Variants in FAM120C observed in about 807,000 individuals in gnomAD.
The protein encoded by FAM120C is family with sequence similarity 120 member C.
FAM120C carries 14 observed loss-of-function variants against 71.2 expected under a neutral mutation model. That is an observed-to-expected ratio of 0.20 (90% confidence interval 0.13 to 0.31). FAM120C has a LOEUF of 0.31. Among genes scored for constraint, FAM120C ranks in the 10% least tolerant of loss-of-function variants. FAM120C has a pLI of 1.00. For missense variants in FAM120C, 500 were observed against 879.0 expected (o/e 0.57, Z 5.45); for synonymous variants, 354 against 353.2 (o/e 1.00, Z -0.03).
chrX:54,132,289 G>T (rs184416897), intron 9 of FAM120C, among the ~76,000 whole-genome samples: 2 of 110,955 alleles, frequency 1.8e-5, no homozygotes, highest in Non-Finnish European at 3.8e-5. Context: ...CTGGACTCAA[G>T]TGATCCATCC....
intron 13 of FAM120C, among the ~76,000 whole-genome samples, chrX:54,085,340 C>T (rs782313242): frequency 9.8e-5 from 11 of 112,234 alleles, no homozygotes; most frequent in Admixed American, 2.8e-4. Flanking sequence ...GTAATCCCAG[C>T]ACTTTGGGAA....
At chrX:54,102,785 T>C (rs2066888616) in intron 10 of FAM120C, among the ~76,000 whole-genome samples, 1 of 88,340 alleles carries the variant, frequency 1.1e-5, no homozygotes, top group Non-Finnish European at 2.2e-5. Flanking sequence ...AGTGGCGCGA[T>C]CTCAGCTCAC....
At chrX:54,094,083 C>CTT (rs35721972) in intron 10 of FAM120C, among the ~76,000 whole-genome samples, 1,338 of 61,378 alleles carry the variant, frequency 0.022, 50 homozygotes, top group Middle Eastern at 0.032. Flanking sequence ...TCCACGACTC[C>CTT]TTTTTTTTTT....
Position 54,135,057 on chromosome X carries a change from G to T in FAM120C, c.1390C>A (p.Pro464Thr), listed in dbSNP as rs201814207. The part of the protein sequence containing the change: ...VKYPPPFPVG[P>T]NSSLLFSSHA... ...GAGGAGAAGAGAAGAGATGAGTTGG[G>T]TCCCACTGGGAATGGTGGTGGATAT... The change falls in exon 7 of 16, where the codon CCC becomes ACC. Residue 464 changes from proline to threonine, a missense_variant. Coordinates refer to ENST00000375180, the MANE Select transcript of FAM120C (RefSeq NM_017848.6). The T allele has an allele frequency of 1.6e-5, 19 of 1,206,639 alleles. No homozygotes were observed. Among genetic ancestry groups the T allele is most frequent in the Non-Finnish European group, 2.1e-5 (19 of 893,125 alleles).
At chrX:54,113,715 C>T (rs1447839302) in intron 10 of FAM120C, among the ~76,000 whole-genome samples, 2 of 107,900 alleles carry the variant, frequency 1.9e-5, no homozygotes, top group Admixed American at 1.0e-4. Context: ...AGTTCAAGAC[C>T]AGCCTCAACA....
Position 54,159,342 on chromosome X carries a change from A to G in FAM120C, c.946+28T>C, listed in dbSNP as rs782140596. ...ACACCAGAAGAGGAAACTACCAATC[A>G]CTGCAGTCTTTTCTTTGGATGACCT... On this transcript the variant is annotated intron_variant, in intron 2 of 15. Coordinates refer to ENST00000375180, the MANE Select transcript of FAM120C (RefSeq NM_017848.6). The G allele has an allele frequency of 2.5e-6, 3 of 1,207,807 alleles. No individual in the cohort carries two copies. The East Asian group carries it at 8.9e-5, about 36-fold the overall frequency.
chrX:54,110,011 C>CTTTT lies in FAM120C; in HGVS notation c.2312+6530_2312+6533dup, dbSNP rs782078837. The stretch of plus-strand genomic sequence containing the variant: ...AGTATAAGAAAACGTAGAAAAATAT[C>CTTTT]TTTTTTTTTTTTTTTTTTTTTCTGA... On this transcript the variant is annotated intron_variant, in intron 10 of 15. Coordinates refer to ENST00000375180, the MANE Select transcript of FAM120C (RefSeq NM_017848.6). Among the ~76,000 whole-genome samples, 39 of 61,422 alleles carry CTTTT rather than the reference C, an allele frequency of 6.3e-4. 1 individual carries two copies. Among genetic ancestry groups the CTTTT allele is most frequent in the South Asian group, 1.7e-3 (1 of 597 alleles). 53.3% of individuals were successfully genotyped at this position (61,422 alleles called of 115,157 possible).
intron 1 of FAM120C, 92 bp downstream of exon 1, chrX:54,182,408 T>C (rs1173514202): frequency 3.0e-6 from 3 of 1,014,094 alleles, no homozygotes; most frequent in Non-Finnish European, 3.9e-6. Flanking sequence ...AGATGGGAGG[T>C]AGGGTAGTGG....
At chrX:54,159,729 G>A in intron 1 of FAM120C, 113 bp from the exon 2 acceptor site, 1 of 696,298 alleles carries the variant, frequency 1.4e-6, no homozygotes, top group Non-Finnish European at 2.1e-6. Flanking sequence ...AATTGTACGT[G>A]AGAGAACAGA....
intron 4 of FAM120C, among the ~76,000 whole-genome samples, chrX:54,149,199 G>A (rs995386809): frequency 8.9e-6 from 1 of 112,003 alleles, no homozygotes. Flanking sequence ...ATTCTTTAAC[G>A]GGTAAATGTA....
At chrX:54,134,479 G>A (rs1268301200) in intron 7 of FAM120C, among the ~76,000 whole-genome samples, 2 of 111,602 alleles carry the variant, frequency 1.8e-5, no homozygotes, top group Non-Finnish European at 3.8e-5. Context: ...CTTACTCAAC[G>A]ATTCCACTAT....
At chrX:54,094,619 C>T (rs1367118514) in intron 10 of FAM120C, among the ~76,000 whole-genome samples, 4 of 108,886 alleles carry the variant, frequency 3.7e-5, no homozygotes, top group Admixed American at 9.8e-5. Flanking sequence ...GTAGTGGCAG[C>T]CAGGCACAGT....
At chrX:54,093,057 G>A (rs1049123686) in intron 10 of FAM120C, among the ~76,000 whole-genome samples, 2 of 111,783 alleles carry the variant, frequency 1.8e-5, no homozygotes, top group Non-Finnish European at 3.8e-5. Flanking sequence ...GACCTTGCCT[G>A]TTTGCCTTTG....
intron 10 of FAM120C, among the ~76,000 whole-genome samples, chrX:54,114,537 G>A (rs1252305320): frequency 2.0e-4 from 22 of 107,548 alleles, no homozygotes; most frequent in African/African-American, 1.7e-4. Context: ...CTCCACCTCC[G>A]GGGTTCAAGT....
chrX:54,095,408 G>C (rs1463466174), intron 10 of FAM120C, among the ~76,000 whole-genome samples: 1 of 101,852 alleles, frequency 9.8e-6, no homozygotes, highest in Non-Finnish European at 2.0e-5. Flanking sequence ...GTGTGATCAC[G>C]GGTCACTGCA....
At chrX:54,073,390 A>G in intron 15 of FAM120C, 103 bp from the exon 16 acceptor site, 1 of 851,691 alleles carries the variant, frequency 1.2e-6, no homozygotes, top group Non-Finnish European at 1.6e-6. Flanking sequence ...TCAGTTCTTC[A>G]AAAACACCAG....
chrX:54,101,392 G>T (rs948741025), intron 10 of FAM120C, among the ~76,000 whole-genome samples: 2 of 111,752 alleles, frequency 1.8e-5, no homozygotes, highest in Admixed American at 9.6e-5. Flanking sequence ...CTGAAGTGCC[G>T]TTAGGGCCTT....
At chrX:54,094,083 CTTTTT>C (rs35721972) in intron 10 of FAM120C, among the ~76,000 whole-genome samples, 4 of 61,443 alleles carry the variant, frequency 6.5e-5, no homozygotes, top group Admixed American at 5.2e-4. Flanking sequence ...TCCACGACTC[CTTTTT>C]TTTTTTTTTT....
intron 9 of FAM120C, among the ~76,000 whole-genome samples, chrX:54,125,737 A>C (rs2067024001): frequency 8.9e-6 from 1 of 112,924 alleles, no homozygotes; most frequent in Admixed American, 9.4e-5. Context: ...AAACATTAGA[A>C]TCATCTTGTC....
Sources: allele counts gnomAD v4.1 joint callset (sites outside exome capture counted in the v4.1 genomes callset), GRCh38; gene constraint gnomAD v4.1.1; transcripts MANE v1.5; gene names NCBI Gene and HGNC (gene_info 2026-07-23, HGNC 2026-07-21).